SNX3: variants seen among roughly 807,000 people sequenced by gnomAD.
SNX3 encodes the protein sorting nexin-3.
A neutral mutation model predicts 17.7 loss-of-function variants in SNX3; 5 were observed. The observed-to-expected ratio is 0.28, with a 90% CI of 0.15 to 0.59. SNX3 has a LOEUF of 0.59. Among genes scored for constraint, SNX3 ranks in the 20% least tolerant of loss-of-function variants. The pLI, the probability that SNX3 is intolerant of heterozygous loss-of-function variation, is 0.88. For missense variants in SNX3, 132 were observed against 206.8 expected, an observed-to-expected ratio of 0.64 and a Z score of 2.22; for synonymous variants, 91 against 76.5, an observed-to-expected ratio of 1.19 and a Z score of -0.99.
At chr6:108,229,409 T>C (rs1022776438) in intron 1 of SNX3, among the ~76,000 whole-genome samples, 3 of 151,970 alleles carry the variant, frequency 2.0e-5, no homozygotes, top group Non-Finnish European at 4.4e-5. Flanking sequence ...CCTCAGTCTC[T>C]CTGCTTCCCC....
chr6:108,240,923 A>G (rs2114745560), intron 1 of SNX3, among the ~76,000 whole-genome samples: 1 of 151,846 alleles, frequency 6.6e-6, no homozygotes, highest in South Asian at 2.1e-4. Context: ...CGGGTGGATC[A>G]CGAGGTCAGG....
intron 3 of SNX3, among the ~76,000 whole-genome samples, chr6:108,213,591 T>C (rs1032183051): frequency 6.7e-6 from 1 of 149,046 alleles, no homozygotes; most frequent in Admixed American, 6.7e-5. Flanking sequence ...GGTGGAGGTT[T>C]CACTGAGCCG....
chr6:108,260,835 G>C lies in SNX3; in HGVS notation c.87C>G (p.Leu29=), dbSNP rs776400846. The change falls in exon 1 of 4, where the codon CTC becomes CTG. Residue 29 remains leucine, a synonymous_variant. Coordinates refer to ENST00000230085, the MANE Select transcript of SNX3 (RefSeq NM_003795.6). ...NDAYGPPSNF[L]EIDVSNPQTV... is the part of the protein sequence containing the mutation. ...TTTGCGGGTTGCTCACATCGATCTC[G>C]AGGAAGTTGCTGGGGGGTCCGTAGG... is the stretch of plus-strand genomic sequence containing the variant. The C allele has an allele frequency of 6.2e-7, 1 of 1,613,832 alleles. No individual in the cohort carries two copies. The highest frequency in any genetic ancestry group is 1.7e-5 in the Admixed American group (1 of 60,012).
chr6:108,239,561 T>A (rs1193392410), intron 1 of SNX3, among the ~76,000 whole-genome samples: 1 of 152,246 alleles, frequency 6.6e-6, no homozygotes, highest in African/African-American at 2.4e-5. Flanking sequence ...ACTTACTGAA[T>A]ACTTAATGTA....
At chr6:108,214,160 G>C (rs1248455318) in intron 3 of SNX3, among the ~76,000 whole-genome samples, 1 of 152,132 alleles carries the variant, frequency 6.6e-6, no homozygotes, top group African/African-American at 2.4e-5. Flanking sequence ...TACATTGTAA[G>C]TTTTATTGTT....
chr6:108,228,090 T>C (rs891540862), intron 1 of SNX3, among the ~76,000 whole-genome samples: 3 of 151,948 alleles, frequency 2.0e-5, no homozygotes, highest in Admixed American at 2.0e-4. Context: ...AAAATAAGCA[T>C]ATAAAAAGTT....
intron 1 of SNX3, 73 bp downstream of exon 1, chr6:108,260,687 C>T: frequency 6.4e-7 from 1 of 1,559,470 alleles, no homozygotes; most frequent in Non-Finnish European, 8.8e-7. Flanking sequence ...CGCGGGGGTC[C>T]ACTCCCGGGT....
chr6:108,234,381 G>T (rs999254731), intron 1 of SNX3, among the ~76,000 whole-genome samples: 1 of 152,018 alleles, frequency 6.6e-6, no homozygotes, highest in African/African-American at 2.4e-5. Flanking sequence ...GGCAAAACCC[G>T]TTTCTACCAA....
chr6:108,246,109 T>G (rs1775680327), intron 1 of SNX3, among the ~76,000 whole-genome samples: 1 of 152,104 alleles, frequency 6.6e-6, no homozygotes, highest in Admixed American at 6.6e-5. Context: ...CTGAGTTAAT[T>G]TTTGCATAAG....
At chr6:108,247,174 C>T (rs1388211715) in intron 1 of SNX3, among the ~76,000 whole-genome samples, 2 of 152,218 alleles carry the variant, frequency 1.3e-5, no homozygotes, top group East Asian at 1.9e-4. Context: ...CAGGTACTTG[C>T]TTCTTTGCCT....
chr6:108,212,341 A>G (rs2114700150), intron 3 of SNX3, 87 bp from the exon 4 acceptor site: 3 of 948,492 alleles, frequency 3.2e-6, no homozygotes, highest in East Asian at 2.7e-5. Flanking sequence ...AGAAGCATGT[A>G]TAATTTTTTT....
chr6:108,219,531 C>T (rs1774690176), intron 2 of SNX3, among the ~76,000 whole-genome samples: 1 of 152,300 alleles, frequency 6.6e-6, no homozygotes, highest in Non-Finnish European at 1.5e-5. Flanking sequence ...TCACTTGAGA[C>T]CAGGAGTTGG....
At chr6:108,239,581 T>C (rs527305065) in intron 1 of SNX3, among the ~76,000 whole-genome samples, 1 of 152,358 alleles carries the variant, frequency 6.6e-6, no homozygotes, top group East Asian at 1.9e-4. Context: ...AGGGCAAATA[T>C]TATGCCTTAA....
intron 1 of SNX3, among the ~76,000 whole-genome samples, chr6:108,229,589 C>T (rs1406425359): frequency 6.6e-6 from 1 of 151,982 alleles, no homozygotes; most frequent in South Asian, 2.1e-4. Context: ...GACTCTTTTT[C>T]GTTTTGTTTG....
At chr6:108,238,691 G>A (rs1376389784) in intron 1 of SNX3, among the ~76,000 whole-genome samples, 3 of 152,016 alleles carry the variant, frequency 2.0e-5, no homozygotes, top group African/African-American at 4.8e-5. Flanking sequence ...TTATTTTTCC[G>A]CTCACCTAAG....
chr6:108,221,876 G>C (rs987562803), intron 2 of SNX3, among the ~76,000 whole-genome samples: 3 of 152,064 alleles, frequency 2.0e-5, no homozygotes, highest in African/African-American at 7.2e-5. Flanking sequence ...TTTTGGTAAA[G>C]TTTGAGAGCT....
At chr6:108,243,727 G>GT (rs369103005) in intron 1 of SNX3, among the ~76,000 whole-genome samples, 5 of 152,102 alleles carry the variant, frequency 3.3e-5, no homozygotes, top group African/African-American at 1.2e-4. Context: ...GAGGTCGAGA[G>GT]TTTGAGACCA....
At chr6:108,253,442 A>G (rs1181848246) in intron 1 of SNX3, among the ~76,000 whole-genome samples, 1 of 145,718 alleles carries the variant, frequency 6.9e-6, no homozygotes, top group African/African-American at 2.6e-5. Context: ...TGATTATTAT[A>G]CAGGGATATA....
At chr6:108,218,189 C>G (rs1264354026) in intron 2 of SNX3, among the ~76,000 whole-genome samples, 1 of 152,010 alleles carries the variant, frequency 6.6e-6, no homozygotes, top group Non-Finnish European at 1.5e-5. Context: ...CGACATAACT[C>G]TATAATAAAA....
Sources: gnomAD v4.1 joint callset for allele counts (sites outside exome capture counted in the v4.1 genomes callset) on GRCh38, gnomAD v4.1.1 for gene constraint, MANE v1.5 for transcripts, NCBI Gene and HGNC (gene_info 2026-07-23, HGNC 2026-07-21) for gene names.